ZNF516: variants seen among roughly 807,000 people sequenced by gnomAD.
The protein encoded by ZNF516 is zinc finger protein 516.
In ZNF516, 19 loss-of-function variants were observed where a neutral mutation model predicts 79.7. The ratio of observed to expected loss-of-function variants is 0.24; its 90% CI spans 0.17 to 0.35. The LOEUF is 0.35. Among genes scored for constraint, ZNF516 ranks in the 10% least tolerant of loss-of-function variants. The pLI is 1.00. For synonymous variants in ZNF516, 877 were observed against 739.5 expected (o/e 1.19, Z -3.02); for missense variants, 1,678 against 1,679.5 (o/e 1.00, Z 0.02).
Position 76,358,347 on chromosome 18 carries a change from T to C in ZNF516, c.*4151A>G, listed in dbSNP as rs889371898. On this transcript the variant is annotated 3_prime_UTR_variant, in exon 7 of 7. Transcript: ENST00000443185. ...AAATTCTAATATAAAGAGTACAAAATATAATGTTATAAATTGTATTTTAAA... is the reference window on the plus strand; with the variant it reads ...AAATTCTAATATAAAGAGTACAAAACATAATGTTATAAATTGTATTTTAAA... 1 of 152,372 alleles carries C rather than the reference T, an allele frequency of 6.6e-6. No homozygotes were observed. Among genetic ancestry groups the C allele is most frequent in the South Asian group, 2.1e-4 (1 of 4,828 alleles). 9.4% of individuals were successfully genotyped at this position (152,372 alleles called of 1,614,324 possible).
intron 3 of ZNF516, among the ~76,000 whole-genome samples, chr18:76,390,070 G>A (rs772022408): frequency 2.6e-5 from 4 of 152,154 alleles, no homozygotes; most frequent in Admixed American, 1.3e-4. Flanking sequence ...ACAAAACCAC[G>A]AACATCTTTG....
chr18:76,406,677 G>A (rs1474679910), intron 3 of ZNF516, among the ~76,000 whole-genome samples: 2 of 152,218 alleles, frequency 1.3e-5, no homozygotes. Flanking sequence ...TGGCCTGTCT[G>A]CACGTTATCA....
At chr18:76,490,582 G>C (rs754186531) in intron 1 of ZNF516, 1 of 195,260 alleles carries the variant, frequency 5.1e-6, no homozygotes, top group African/African-American at 2.4e-5. Context: ...AGCTCCTTTT[G>C]GGAGGCTAGC....
At chr18:76,487,683 C>T (rs371104604) in intron 1 of ZNF516, among the ~76,000 whole-genome samples, 3 of 152,152 alleles carry the variant, frequency 2.0e-5, no homozygotes, top group East Asian at 1.9e-4. Context: ...TAGTTCTCAT[C>T]CAATGGTGGG....
chr18:76,366,959 T>G (rs188469996), intron 6 of ZNF516, among the ~76,000 whole-genome samples: 1 of 152,234 alleles, frequency 6.6e-6, no homozygotes, highest in East Asian at 1.9e-4. Flanking sequence ...TGACCTTCAA[T>G]GAATTTAAAT....
intron 4 of ZNF516, among the ~76,000 whole-genome samples, chr18:76,373,483 A>G (rs960705528): frequency 1.3e-5 from 2 of 152,256 alleles, no homozygotes; most frequent in African/African-American, 4.8e-5. Context: ...GGTACAATCT[A>G]GACTGCTTCT....
In ZNF516 at chr18:76,371,511, A is replaced by T; in HGVS notation, c.3320T>A (p.Phe1107Tyr). ...EFVCIECGKS[F>Y]HQPGHLRAHM... ...GGCCCTGAGGTGGCCGGGCTGGTGG[A>T]AGCTCTTTCCGCACTCGATGCAGAC... The change falls in exon 5 of 7, where the codon TTC (phenylalanine) becomes TAC (tyrosine). Residue 1107 changes from phenylalanine (F) to tyrosine (Y), a missense_variant. This residue lies in a region of ZNF516 where 1,294 missense variants were observed against 1,248.3 expected (regional missense o/e 1.04). Transcript: ENST00000443185. The T allele has an allele frequency of 6.2e-7, 1 of 1,610,502 alleles. No individual in the cohort carries two copies. Among genetic ancestry groups the T allele is most frequent in the Non-Finnish European group, 8.5e-7 (1 of 1,179,786 alleles).
At chr18:76,423,460 A>G (rs959297380) in intron 3 of ZNF516, among the ~76,000 whole-genome samples, 8 of 149,972 alleles carry the variant, frequency 5.3e-5, no homozygotes, top group Non-Finnish European at 8.9e-5. Context: ...AAACACACAC[A>G]TGCAGGCGAA....
intron 3 of ZNF516, among the ~76,000 whole-genome samples, chr18:76,433,212 C>A (rs2075684975): frequency 1.3e-5 from 2 of 152,214 alleles, no homozygotes. Flanking sequence ...GTAAAAAGCA[C>A]CACTGACCGC....
At chr18:76,433,485 A>G (rs2075689428) in intron 3 of ZNF516, among the ~76,000 whole-genome samples, 1 of 152,174 alleles carries the variant, frequency 6.6e-6, no homozygotes, top group Non-Finnish European at 1.5e-5. Flanking sequence ...ACAGGGAGGA[A>G]TGGGGCCAGC....
Position 76,480,222 on chromosome 18 carries a change from C to T in ZNF516, c.-272+14922G>A, listed in dbSNP as rs74580498. On this transcript the variant is annotated intron_variant, in intron 1 of 6. Coordinates refer to ENST00000443185, the MANE Select transcript of ZNF516 (RefSeq NM_014643.4). Reference sequence around the variant, plus strand: ...TTAGTAGTAATTCTTGTCATCTACACGTTTAACATTTTGGATTTTGGATAT... The same window carrying T: ...TTAGTAGTAATTCTTGTCATCTACATGTTTAACATTTTGGATTTTGGATAT... Among the ~76,000 whole-genome samples the T allele has an allele frequency of 3.6e-4, 54 of 149,472 alleles. No homozygotes were observed. In the East Asian group the frequency reaches 1.0e-2, roughly 28 times the overall value.
At position 76,379,020 on chromosome 18, in the gene ZNF516, C is replaced by T. The variant is rs200905294; in HGVS notation, c.3094G>A (p.Val1032Met). 18 of 1,606,254 alleles carry T rather than the reference C, an allele frequency of 1.1e-5. No individual in the cohort carries two copies. The highest frequency in any genetic ancestry group is 3.4e-5 in the Admixed American group (2 of 59,262). The change falls in exon 4 of 7, where the codon GTG becomes ATG. Residue 1032 changes from valine to methionine, a missense_variant. Transcript: ENST00000443185. The stretch of plus-strand genomic sequence containing the variant: ...TGTAGGACGGGGGGCGCCCCAGCCA[C>T]GCCGGGCTGGGCCTGCAAGGCCGCG... ...GDAALQAQPG[V>M]AGAPPVLHSI...
chr18:76,496,331 G>A, upstream of ZNF516: 2 of 1,289,726 alleles, frequency 1.6e-6, no homozygotes, highest in African/African-American at 1.5e-5. Context: ...CAGTGGAGGT[G>A]GATTCCGTCC....
intron 3 of ZNF516, among the ~76,000 whole-genome samples, chr18:76,417,893 T>C (rs1329616999): frequency 6.6e-6 from 1 of 152,242 alleles, no homozygotes. Flanking sequence ...AATGTGAGAT[T>C]CCACAATTTT....
At chr18:76,488,241 C>A (rs1914947015) in intron 1 of ZNF516, 1 of 985,202 alleles carries the variant, frequency 1.0e-6, no homozygotes, top group Non-Finnish European at 1.2e-6. Flanking sequence ...GCTTCCAAGG[C>A]CCTGTGAGCT....
chr18:76,362,553 C>T lies in ZNF516; in HGVS notation c.3437G>A (p.Arg1146Lys). ...TTSADAPKQG[R>K]DHSNTGTVQT... ...GACGGTACCTGTGTTAGAATGGTCTCTCCCCTGGGTGAGAAAAAGGAAAGA... is the reference window on the plus strand; with the variant it reads ...GACGGTACCTGTGTTAGAATGGTCTTTCCCCTGGGTGAGAAAAAGGAAAGA... The change falls in exon 7 of 7, where the codon AGA becomes AAA. Residue 1146 changes from arginine (R) to lysine (K), a missense_variant. Arg to Lys is a conservative substitution (Grantham distance 26, BLOSUM62 2). Transcript: ENST00000443185. 7 of 1,610,078 alleles carry T rather than the reference C, an allele frequency of 4.3e-6. No homozygotes were observed. Among genetic ancestry groups the T allele is most frequent in the Non-Finnish European group, 5.9e-6 (7 of 1,176,572 alleles).
At chr18:76,436,029 A>G (rs910801091) in intron 3 of ZNF516, among the ~76,000 whole-genome samples, 1 of 152,240 alleles carries the variant, frequency 6.6e-6, no homozygotes, top group Non-Finnish European at 1.5e-5. Flanking sequence ...GCACTTCAGG[A>G]GCACCAGAGC....
At chr18:76,371,358 T>A (rs1397980861) in intron 5 of ZNF516, 109 bp downstream of exon 5, 64 of 1,147,594 alleles carry the variant, frequency 5.6e-5, no homozygotes, top group Non-Finnish European at 2.4e-6. Flanking sequence ...CGCCGCCTGG[T>A]AGGGGCTGAA....
At chr18:76,494,269 C>G in intron 1 of ZNF516, among the ~76,000 whole-genome samples, 1 of 152,220 alleles carries the variant, frequency 6.6e-6, no homozygotes, top group Middle Eastern at 3.2e-3. Flanking sequence ...TGTTAGTTCT[C>G]CCTGGAAATG....
Sources: allele counts gnomAD v4.1 joint callset (sites outside exome capture counted in the v4.1 genomes callset), GRCh38; gene constraint gnomAD v4.1.1; regional missense constraint gnomAD v4.1.1; transcripts MANE v1.5; gene names NCBI Gene and HGNC (gene_info 2026-07-23, HGNC 2026-07-21).